SV2C: variants seen among roughly 807,000 people sequenced by gnomAD.
SV2C encodes solute carrier family 22 member B3.
SV2C carries 49 observed loss-of-function variants against 79.7 expected under a neutral mutation model. That is an observed-to-expected ratio of 0.61 (90% CI 0.49 to 0.78). The LOEUF is 0.78. SV2C is among the 30% of genes least tolerant of loss of function. SV2C has a pLI of 0.00. For synonymous variants in SV2C, 334 were observed against 333.2 expected, an observed-to-expected ratio of 1.00 and a Z score of -0.03; for missense variants, 833 against 912.9, an observed-to-expected ratio of 0.91 and a Z score of 1.13.
upstream of SV2C, chr5:76,078,657 C>T (rs865920870): frequency 3.0e-5 from 13 of 439,014 alleles, no homozygotes; most frequent in Middle Eastern, 1.4e-3. Flanking sequence ...GGGAGGGCCT[C>T]GCCTCACTGT....
chr5:76,154,335 A>G (rs1317906037), intron 2 of SV2C, among the ~76,000 whole-genome samples: 3 of 152,186 alleles, frequency 2.0e-5, no homozygotes, highest in Non-Finnish European at 2.9e-5. Context: ...GTTAATGTAT[A>G]AAACCAGTGA....
chr5:76,253,585 A>T (rs533463453), intron 4 of SV2C, among the ~76,000 whole-genome samples: 1 of 152,034 alleles, frequency 6.6e-6, no homozygotes, highest in South Asian at 2.1e-4. Context: ...ATGGTTTCTC[A>T]GAATTCTCTG....
chr5:76,111,369 G>A (rs1748091905), intron 1 of SV2C, among the ~76,000 whole-genome samples: 1 of 152,140 alleles, frequency 6.6e-6, no homozygotes, highest in African/African-American at 2.4e-5. Flanking sequence ...TAAAGCAAAG[G>A]TGGTTATTAA....
At chr5:76,224,378 C>G (rs1663714501) in intron 4 of SV2C, among the ~76,000 whole-genome samples, 1 of 152,106 alleles carries the variant, frequency 6.6e-6, no homozygotes, top group Admixed American at 6.6e-5. Flanking sequence ...GTGTGTATTT[C>G]TTTGAAAATA....
At chr5:76,105,496 A>C (rs1048124598) in intron 1 of SV2C, among the ~76,000 whole-genome samples, 2 of 152,190 alleles carry the variant, frequency 1.3e-5, no homozygotes, top group Non-Finnish European at 2.9e-5. Context: ...CCTGCTTCTC[A>C]GAAGTCTGAG....
upstream of SV2C, chr5:76,079,742 G>A (rs181530333): frequency 3.2e-4 from 87 of 270,016 alleles, no homozygotes; most frequent in African/African-American, 1.6e-3. Context: ...GGTATTTTAC[G>A]CTGTCTGGAA....
the SV2C span, chr5:75,910,986 C>G: frequency 1.1e-6 from 1 of 939,898 alleles, no homozygotes. Flanking sequence ...ACATCTATGG[C>G]CTCCAGTCCT....
intron 2 of SV2C, chr5:76,174,043 A>G (rs1239400901): frequency 2.5e-6 from 4 of 1,571,294 alleles, no homozygotes; most frequent in East Asian, 4.5e-5. Context: ...ACTGTTGTGC[A>G]TCTACTTCAA....
chr5:75,963,352 T>C, the SV2C span, among the ~76,000 whole-genome samples: 3 of 152,106 alleles, frequency 2.0e-5, no homozygotes, highest in African/African-American at 7.2e-5. Flanking sequence ...GGGAGGTTAA[T>C]ATTATAAGAC....
chr5:75,847,650 T>A, the SV2C span, among the ~76,000 whole-genome samples: 1 of 152,200 alleles, frequency 6.6e-6, no homozygotes, highest in African/African-American at 2.4e-5. Flanking sequence ...GATAACAAAG[T>A]TGACTTCCTC....
chr5:76,215,971 T>C (rs893160080), intron 4 of SV2C, among the ~76,000 whole-genome samples: 11 of 150,836 alleles, frequency 7.3e-5, no homozygotes, highest in African/African-American at 2.7e-4. Context: ...TTCTGGCCCC[T>C]GACAAGCCTC....
the SV2C span, among the ~76,000 whole-genome samples, chr5:75,927,797 C>T: frequency 3.9e-5 from 6 of 152,168 alleles, no homozygotes; most frequent in East Asian, 1.9e-4. Context: ...AAGAGGTACA[C>T]ATGAAATGTG....
At chr5:75,873,910 T>C in the SV2C span, among the ~76,000 whole-genome samples, 1 of 152,080 alleles carries the variant, frequency 6.6e-6, no homozygotes, top group East Asian at 1.9e-4. Flanking sequence ...GAATCAGTAA[T>C]AAATAGCCTA....
At chr5:75,997,837 CG>C in the SV2C span, among the ~76,000 whole-genome samples, 2 of 152,126 alleles carry the variant, frequency 1.3e-5, no homozygotes, top group African/African-American at 4.8e-5. Flanking sequence ...CATCCCATTA[CG>C]GGGTATATAC....
chr5:76,346,630 G>A (rs1749549721), intron 12 of SV2C, among the ~76,000 whole-genome samples: 1 of 152,236 alleles, frequency 6.6e-6, no homozygotes, highest in Non-Finnish European at 1.5e-5. Flanking sequence ...TCTTAGGAAA[G>A]AGATTAATGC....
At chr5:76,184,082 A>G (rs199744782) in intron 2 of SV2C, among the ~76,000 whole-genome samples, 42 of 152,308 alleles carry the variant, frequency 2.8e-4, no homozygotes, top group Non-Finnish European at 5.4e-4. Flanking sequence ...TGTCATCTGA[A>G]CCCTATGCCA....
In SV2C at chr5:76,328,175, A is replaced by G. The variant is rs1473332290; in HGVS notation, c.*2628A>G. ...AGCTGGAGATTAAGAAACAGCCAGG[A>G]TATTAAACAGAAACTCTCAGTTGTA... On this transcript the variant is annotated 3_prime_UTR_variant, in exon 13 of 13. Transcript: ENST00000502798. 6.6e-6 allele frequency: 1 copy of G among 152,206 alleles called. No homozygotes were observed. Among genetic ancestry groups the G allele is most frequent in the East Asian group, 1.9e-4 (1 of 5,200 alleles). The allele number at this position is 152,206 out of a possible 1,614,324, so 9.4% of individuals were successfully genotyped here. A position where few individuals can be genotyped will look rare whatever the true frequency, so the allele number is the denominator to read the frequency against.
the SV2C span, chr5:75,911,146 G>T: frequency 0.011 from 18,105 of 1,585,278 alleles, 519 homozygotes; most frequent in African/African-American, 0.1. Context: ...AGAGAAGGAA[G>T]GATCTGAAGC....
chr5:76,049,841 T>A, the SV2C span, among the ~76,000 whole-genome samples: 2 of 152,252 alleles, frequency 1.3e-5, no homozygotes, highest in Non-Finnish European at 2.9e-5. Context: ...ATAAAACTTC[T>A]ATAGTTACAT....
Sources: allele counts gnomAD v4.1 joint callset (sites outside exome capture counted in the v4.1 genomes callset), GRCh38; gene constraint gnomAD v4.1.1; transcripts MANE v1.5; gene names NCBI Gene and HGNC (gene_info 2026-07-23, HGNC 2026-07-21).